The following WDR48 variants were observed in gnomAD, a reference collection of about 807,000 sequenced individuals.
WDR48 encodes the protein WD repeat-containing protein 48.
Under a neutral mutation model 94.0 loss-of-function variants are expected in WDR48, and 22 were observed. That is an observed-to-expected ratio of 0.23 (90% CI 0.17 to 0.33). The LOEUF is 0.33. Ranked by LOEUF, WDR48 falls within the 10% of genes least tolerant of loss-of-function variation. The pLI is 1.00. For synonymous variants in WDR48, 278 were observed against 280.5 expected, an observed-to-expected ratio of 0.99 and a Z score of 0.09; for missense variants, 541 against 813.8, an observed-to-expected ratio of 0.66 and a Z score of 4.08.
At chr3:39,052,259 G>C in intron 1 of WDR48, 186 bp downstream of exon 1, 3 of 668,946 alleles carry the variant, frequency 4.5e-6, no homozygotes, top group Non-Finnish European at 7.4e-6. Flanking sequence ...GGGTCGGCTT[G>C]CTTGGCCCTT....
rs576224342 is a variant in WDR48 at position 39,069,740 on chromosome 3, C to T, written c.668C>T (p.Thr223Met). The T allele has an allele frequency of 1.7e-5, 27 of 1,611,380 alleles. No individual in the cohort carries two copies. Among genetic ancestry groups the T allele is most frequent in the South Asian group, 1.1e-4 (10 of 90,770 alleles). ...VKALLLNRDG[T>M]QCLSGSSDGT... ...GCATTGCTATTAAACAGAGATGGCA[C>T]GCAAGTATGCAGTTTCATTTGGGTG... The change falls in exon 7 of 19, where the codon ACG (threonine) becomes ATG (methionine). Residue 223 changes from threonine to methionine, a missense_variant. Physicochemically the swap from Thr to Met is moderately conservative, Grantham distance 81 (BLOSUM62 -1). Transcript: ENST00000302313.
Position 39,066,885 on chromosome 3 carries a change from T to C in WDR48, c.481+10T>C, listed in dbSNP as rs2033640593. The C allele has an allele frequency of 1.2e-6, 2 of 1,605,764 alleles. No individual in the cohort carries two copies. The highest frequency in any genetic ancestry group is 1.7e-6 in the Non-Finnish European group (2 of 1,177,406). On this transcript the variant is annotated intron_variant, in intron 5 of 18. Transcript: ENST00000302313. ...AATAACACTGTCACAAGTAAGGTGT[T>C]TAAAAGAAACTTCTTTGAAAGTGAT... is the stretch of plus-strand genomic sequence containing the variant.
chr3:39,076,597 A>G (rs1425877215), intron 8 of WDR48, among the ~76,000 whole-genome samples: 1 of 152,262 alleles, frequency 6.6e-6, no homozygotes, highest in Non-Finnish European at 1.5e-5. Flanking sequence ...GGATGAATGT[A>G]GAGTGATTCC....
At chr3:39,082,063 G>T (rs539427362) in intron 11 of WDR48, among the ~76,000 whole-genome samples, 45 of 152,306 alleles carry the variant, frequency 3.0e-4, no homozygotes, top group African/African-American at 1.1e-3. Context: ...TACGGAATAT[G>T]CTAGGGAACA....
At position 39,096,020 on chromosome 3, in the gene WDR48, C is replaced by T. The variant is rs1245577055; in HGVS notation, c.*1277C>T. The stretch of plus-strand genomic sequence containing the variant: ...TCCCTAGCTTGTGTGTGGCCTGCCT[C>T]CACCATAGCAGGGACTAGGGAGGGA... On this transcript the variant is annotated 3_prime_UTR_variant, in exon 19 of 19. Transcript: ENST00000302313. The T allele has an allele frequency of 2.6e-5, 4 of 152,660 alleles. No homozygotes were observed. Among genetic ancestry groups the T allele is most frequent in the Non-Finnish European group, 5.9e-5 (4 of 68,048 alleles). The allele number at this position is 152,660 out of a possible 1,614,324, so 9.5% of individuals were successfully genotyped here.
rs183901350 is a variant in WDR48, at chr3:39,057,916, G to T, written c.49-5134G>T. On this transcript the variant is annotated intron_variant, in intron 1 of 18. Coordinates refer to ENST00000302313, the MANE Select transcript of WDR48 (RefSeq NM_020839.4). ...TTACAGGCATGAGCCACTGCGCCTG[G>T]CCCCTGGTTATTTTTATATATGTAT... Among the ~76,000 whole-genome samples the T allele has an allele frequency of 1.4e-3, 212 of 152,316 alleles. 1 individual carries two copies. The highest frequency in any genetic ancestry group is 4.9e-3 in the African/African-American group (202 of 41,570).
At chr3:39,052,298 G>C (rs543872387) in intron 1 of WDR48, 2 of 542,820 alleles carry the variant, frequency 3.7e-6, no homozygotes, top group African/African-American at 2.1e-5. Flanking sequence ...CCTCGTGGGC[G>C]GCATTCTGAG....
chr3:39,066,481 G>A, intron 3 of WDR48, 67 bp from the exon 4 acceptor site: 1 of 1,309,980 alleles, frequency 7.6e-7, no homozygotes, highest in African/African-American at 1.5e-5. Flanking sequence ...TTACATTGTT[G>A]TAAGATAAGT....
chr3:39,075,404 G>C (rs1004617989), intron 8 of WDR48, among the ~76,000 whole-genome samples: 1 of 152,062 alleles, frequency 6.6e-6, no homozygotes, highest in Non-Finnish European at 1.5e-5. Context: ...ACAAAGCAGA[G>C]GAAGGTCAGG....
intron 1 of WDR48, among the ~76,000 whole-genome samples, chr3:39,058,314 G>A (rs2033030942): frequency 6.6e-6 from 1 of 152,192 alleles, no homozygotes; most frequent in Non-Finnish European, 1.5e-5. Context: ...AGATGTGCGT[G>A]CTAGAATTTA....
chr3:39,079,901 G>A (rs888488597), intron 11 of WDR48, 93 bp downstream of exon 11: 8 of 644,040 alleles, frequency 1.2e-5, no homozygotes, highest in Admixed American at 4.1e-5. Flanking sequence ...TATAAATTAA[G>A]ATGTAATTGC....
intron 7 of WDR48, among the ~76,000 whole-genome samples, chr3:39,073,402 C>A (rs1410639539): frequency 6.6e-6 from 1 of 152,138 alleles, no homozygotes; most frequent in Non-Finnish European, 1.5e-5. Context: ...TTAGAGTTCT[C>A]AAGGGCCCTT....
chr3:39,069,709 G>A lies in WDR48; in HGVS notation c.637G>A (p.Val213Met), dbSNP rs767342901. The A allele has an allele frequency of 1.9e-6, 3 of 1,613,660 alleles. No individual in the cohort carries two copies. Among genetic ancestry groups the A allele is most frequent in the Admixed American group, 3.3e-5 (2 of 60,006 alleles). ...GAAGCTTAAAGGGCACACGGATAAT[G>A]TGAAGGCATTGCTATTAAACAGAGA... ...LMKLKGHTDN[V>M]KALLLNRDGT... Residue 213 changes from valine to methionine, a missense_variant, in exon 7 of 19, where the codon GTG (valine) becomes ATG (methionine). Physicochemically the swap from Val to Met is conservative, Grantham distance 21. This residue lies in a region of WDR48 where 104 missense variants were observed against 189.7 expected (regional missense o/e 0.55). Transcript: ENST00000302313.
chr3:39,078,140 T>C lies in WDR48; in HGVS notation c.976T>C (p.Leu326=). 6.2e-7 allele frequency: 1 copy of C among 1,608,164 alleles called. No homozygotes were observed. Among genetic ancestry groups the C allele is most frequent in the Non-Finnish European group, 8.5e-7 (1 of 1,176,664 alleles). The change falls in exon 10 of 19, where the codon TTG becomes CTG. Residue 326 remains leucine, a synonymous_variant. Coordinates refer to ENST00000302313, the MANE Select transcript of WDR48 (RefSeq NM_020839.4). The part of the protein sequence containing the change: ...TTKSTVNKWT[L]KGIHNFRASG... Reference sequence around the variant, plus strand: ...ATAACAAATTTTGTAATTTTAGACTTTGAAAGGAATTCATAATTTTAGAGC... The same window carrying C: ...ATAACAAATTTTGTAATTTTAGACTCTGAAAGGAATTCATAATTTTAGAGC...
intron 14 of WDR48, among the ~76,000 whole-genome samples, chr3:39,085,899 C>T (rs2034786168): frequency 6.6e-6 from 1 of 152,164 alleles, no homozygotes; most frequent in South Asian, 2.1e-4. Context: ...CCTTAACAGA[C>T]TTATTTCCAA....
Position 39,075,023 on chromosome 3 carries a change from A to G in WDR48, c.897+73A>G, listed in dbSNP as rs532191635. The G allele has an allele frequency of 9.2e-4, 1,308 of 1,424,358 alleles. 15 individuals are homozygous for G. In the South Asian group the frequency reaches 0.011, roughly 12 times the overall value. The allele number at this position is 1,424,358 out of a possible 1,614,324, so 88.2% of individuals were successfully genotyped here. On this transcript the variant is annotated intron_variant, in intron 8 of 18. Transcript: ENST00000302313. ...GTGTTAGCCAAATAGAGCAAAAGCT[A>G]TATTAAAACATGACTCAACTGCAGG...
intron 1 of WDR48, among the ~76,000 whole-genome samples, chr3:39,058,265 C>T (rs2033027583): frequency 6.6e-6 from 1 of 152,176 alleles, no homozygotes; most frequent in Non-Finnish European, 1.5e-5. Context: ...ACCTGGCCTA[C>T]ATCAACATTT....
At chr3:39,052,306 G>C in intron 1 of WDR48, 1 of 534,864 alleles carries the variant, frequency 1.9e-6, no homozygotes, top group Middle Eastern at 5.2e-4. Flanking sequence ...GCGGCATTCT[G>C]AGCCCGGGAT....
chr3:39,088,642 T>C (rs2034934536), intron 15 of WDR48, among the ~76,000 whole-genome samples: 1 of 152,152 alleles, frequency 6.6e-6, no homozygotes, highest in Non-Finnish European at 1.5e-5. Context: ...GCTGGGCTGC[T>C]CCTGGGAACT....
Sources: allele counts gnomAD v4.1 joint callset (sites outside exome capture counted in the v4.1 genomes callset), GRCh38; gene constraint gnomAD v4.1.1; regional missense constraint gnomAD v4.1.1; transcripts MANE v1.5; gene names NCBI Gene and HGNC (gene_info 2026-07-23, HGNC 2026-07-21).